Variants in CLCN3 observed in about 807,000 individuals in gnomAD.
CLCN3 encodes the protein Cl-/H+ antiporter 3, also known as H(+)/Cl(-) exchange transporter 3.
In CLCN3, 16 loss-of-function variants were observed where a neutral mutation model predicts 83.4. That is an observed-to-expected ratio of 0.19 (90% confidence interval 0.13 to 0.29). The LOEUF (loss-of-function observed/expected upper bound fraction) is 0.29, where lower values mean the gene tolerates loss of function less well. Ranked by LOEUF, CLCN3 falls within the 10% of genes least tolerant of loss-of-function variation. CLCN3 has a pLI of 1.00. For missense variants in CLCN3, 544 were observed against 1,006.0 expected (o/e 0.54, Z 6.21); for synonymous variants, 322 against 346.2 (o/e 0.93, Z 0.78).
At chr4:169,635,436 T>A (rs1391681726) in intron 1 of CLCN3, among the ~76,000 whole-genome samples, 1 of 152,174 alleles carries the variant, frequency 6.6e-6, no homozygotes. Flanking sequence ...ATTTAAATTT[T>A]AAAAGGATGA....
intron 3 of CLCN3, 114 bp from the exon 4 acceptor site, chr4:169,687,543 AT>A (rs1449693465): frequency 3.3e-6 from 2 of 602,556 alleles, no homozygotes; most frequent in Non-Finnish European, 5.7e-6. Flanking sequence ...CTTTTCCATT[AT>A]TTAGTTCTGA....
At chr4:169,669,352 G>A (rs114095560) in intron 2 of CLCN3, among the ~76,000 whole-genome samples, 130 of 152,254 alleles carry the variant, frequency 8.5e-4, no homozygotes, top group African/African-American at 3.0e-3. Flanking sequence ...GTAGCCAGGT[G>A]TGGTGGTGCT....
chr4:169,691,467 A>G (rs1732370135), intron 6 of CLCN3, among the ~76,000 whole-genome samples: 8 of 152,324 alleles, frequency 5.3e-5, no homozygotes, highest in African/African-American at 1.4e-4. Flanking sequence ...TTTCATCACA[A>G]TAAAGTAGAG....
chr4:169,665,892 C>T (rs1322199500), intron 2 of CLCN3, among the ~76,000 whole-genome samples: 3 of 151,846 alleles, frequency 2.0e-5, no homozygotes, highest in Non-Finnish European at 2.9e-5. Context: ...TGGATAAACC[C>T]CTTTGAGAAA....
At chr4:169,653,445 G>A (rs958424666) in intron 2 of CLCN3, among the ~76,000 whole-genome samples, 7 of 151,912 alleles carry the variant, frequency 4.6e-5, no homozygotes, top group African/African-American at 1.7e-4. Flanking sequence ...TTAGAAACCA[G>A]CCTGGCCAAT....
intron 1 of CLCN3, among the ~76,000 whole-genome samples, chr4:169,633,248 C>T (rs560181197): frequency 6.6e-6 from 1 of 152,090 alleles, no homozygotes; most frequent in East Asian, 1.9e-4. Flanking sequence ...TGACCTCAAG[C>T]GATCCAGCTG....
chr4:169,649,398 C>A (rs974389152), intron 2 of CLCN3, among the ~76,000 whole-genome samples: 11 of 152,144 alleles, frequency 7.2e-5, no homozygotes, highest in Non-Finnish European at 1.6e-4. Context: ...TTAAGAAGAT[C>A]ATTCAGAGGC....
At chr4:169,714,119 T>C (rs1733333530) in intron 12 of CLCN3, among the ~76,000 whole-genome samples, 1 of 152,210 alleles carries the variant, frequency 6.6e-6, no homozygotes, top group Non-Finnish European at 1.5e-5. Context: ...GGACCCTTCA[T>C]TTCCACTATA....
intron 2 of CLCN3, among the ~76,000 whole-genome samples, chr4:169,676,314 C>G (rs1264211241): frequency 6.6e-6 from 1 of 152,076 alleles, no homozygotes; most frequent in African/African-American, 2.4e-5. Flanking sequence ...GATAATGGTT[C>G]AATTAAATAT....
At chr4:169,632,433 A>G (rs948048074) in intron 1 of CLCN3, among the ~76,000 whole-genome samples, 7 of 152,196 alleles carry the variant, frequency 4.6e-5, no homozygotes, top group African/African-American at 1.4e-4. Context: ...CAGAATGGCT[A>G]TTAAAAGAAG....
intron 2 of CLCN3, among the ~76,000 whole-genome samples, chr4:169,647,331 C>A (rs1279062662): frequency 2.0e-5 from 3 of 151,948 alleles, no homozygotes; most frequent in African/African-American, 7.3e-5. Context: ...GTCAAGGCTG[C>A]AGTTAGCCGA....
intron 2 of CLCN3, among the ~76,000 whole-genome samples, chr4:169,679,018 G>GAT (rs1731800211): frequency 6.6e-6 from 1 of 151,592 alleles, no homozygotes; most frequent in East Asian, 2.0e-4. Flanking sequence ...CCTCCCAGAC[G>GAT]GGGCGGCTGC....
At chr4:169,658,015 C>A (rs1208177178) in intron 2 of CLCN3, among the ~76,000 whole-genome samples, 1 of 151,982 alleles carries the variant, frequency 6.6e-6, no homozygotes, top group Non-Finnish European at 1.5e-5. Flanking sequence ...AAGAAAGTGG[C>A]AGTTGTGGAC....
At chr4:169,675,245 T>C (rs1163142929) in intron 2 of CLCN3, among the ~76,000 whole-genome samples, 1 of 152,242 alleles carries the variant, frequency 6.6e-6, no homozygotes, top group Non-Finnish European at 1.5e-5. Context: ...GTTAATAGTA[T>C]TGGCATCGTG....
At position 169,697,465 on chromosome 4, in the gene CLCN3, A is replaced by G. The variant is rs1560865650; in HGVS notation, c.1294A>G (p.Ile432Val). ...KFGKYPVLEVIIVAAITAVIA... is the reference protein window; with the variant it reads ...KFGKYPVLEVVIVAAITAVIA... Reference sequence around the variant, plus strand: ...TGGAAAGTATCCCGTTCTGGAAGTCATTATTGTTGCAGCCATTACTGCTGT... The same window carrying G: ...TGGAAAGTATCCCGTTCTGGAAGTCGTTATTGTTGCAGCCATTACTGCTGT... The change falls in exon 9 of 13, where the codon ATT becomes GTT. Residue 432 changes from isoleucine (I) to valine (V), a missense_variant. By Grantham distance (29) the Ile-to-Val change is conservative. Coordinates refer to ENST00000513761, the MANE Select transcript of CLCN3 (RefSeq NM_001829.4). 1 of 1,614,186 alleles carries G rather than the reference A, an allele frequency of 6.2e-7. No homozygotes were observed.
intron 1 of CLCN3, among the ~76,000 whole-genome samples, chr4:169,627,703 G>C (rs538362233): frequency 8.5e-5 from 13 of 152,208 alleles, no homozygotes; most frequent in South Asian, 2.1e-4. Context: ...TTTAGGTCTT[G>C]TTGAGTTTTA....
rs1733687020 is a variant in CLCN3 at position 169,722,993 on chromosome 4, A to C, written c.*2996A>C. 1 of 152,206 alleles carries C rather than the reference A, an allele frequency of 6.6e-6. No homozygotes were observed. The highest frequency in any genetic ancestry group is 2.4e-5 in the African/African-American group (1 of 41,454). The allele number at this position is 152,206 out of a possible 1,614,324, so 9.4% of individuals were successfully genotyped here. ...TATGATGAGAATGGGCAAGGGTGTC[A>C]GCATCTCTTCTTCTTAATAATTAAT... On this transcript the variant is annotated 3_prime_UTR_variant, in exon 13 of 13. Coordinates refer to ENST00000513761, the MANE Select transcript of CLCN3 (RefSeq NM_001829.4).
chr4:169,715,803 G>A (rs918650355), intron 12 of CLCN3, among the ~76,000 whole-genome samples: 2 of 103,376 alleles, frequency 1.9e-5, no homozygotes, highest in Non-Finnish European at 4.0e-5. Flanking sequence ...TTAGCAGGAT[G>A]TTAATAGGAG....
rs928033309 is a variant in CLCN3, at chr4:169,696,813, C to CT, written c.1018-363dup. ...CTTTTTTCTTTTAGTTGTTTGTATT[C>CT]TTTTTTTTTTTTTAATGTAGAAGAG... On this transcript the variant is annotated intron_variant, in intron 8 of 12. Transcript: ENST00000513761. Among the ~76,000 whole-genome samples the CT allele has an allele frequency of 1.3e-3, 169 of 130,518 alleles. 1 individual carries two copies. Among genetic ancestry groups the CT allele is most frequent in the South Asian group, 9.6e-3 (40 of 4,146 alleles). The allele number at this position is 130,518 out of a possible 152,430, so 85.6% of individuals were successfully genotyped here. A position where few individuals can be genotyped will look rare whatever the true frequency, so the allele number is the denominator to read the frequency against.
Sources: gnomAD v4.1 joint callset for allele counts (sites outside exome capture counted in the v4.1 genomes callset) on GRCh38, gnomAD v4.1.1 for gene constraint, MANE v1.5 for transcripts, NCBI Gene and HGNC (gene_info 2026-07-23, HGNC 2026-07-21) for gene names.